The following MGST1 variants were observed in gnomAD, a reference collection of about 807,000 sequenced individuals.
MGST1 encodes the protein microsomal glutathione S-transferase 1, also known as glutathione S-transferase 12.
A neutral mutation model predicts 8.9 loss-of-function variants in MGST1; 5 were observed. The observed-to-expected ratio is 0.56, with a 90% CI of 0.29 to 1.19. The LOEUF is 1.19. Ranked by LOEUF, MGST1 falls within the 50% of genes most tolerant of loss-of-function variation. The pLI is 0.08. For synonymous variants in MGST1, 54 were observed against 67.8 expected, an observed-to-expected ratio of 0.80 and a Z score of 1.00; for missense variants, 182 against 187.4, an observed-to-expected ratio of 0.97 and a Z score of 0.17.
rs542425845 is a variant in MGST1, at chr12:16,363,532, G to A, written c.222-263G>A. ...AAATGAGTTCTATTAGATAGATGTC[G>A]TTTTGATATTCTAGGAACTACAAAA... On this transcript the variant is annotated intron_variant, in intron 3 of 3. Transcript: ENST00000396210. The surrounding 1 kb of genome is among the most constrained non-coding windows in gnomAD (Gnocchi z 4.6). 3.7e-4 allele frequency: 88 copies of A among 235,142 alleles called. 2 individuals are homozygous for A. The highest frequency in any genetic ancestry group is 1.4e-3 in the Middle Eastern group (1 of 738). 14.6% of individuals were successfully genotyped at this position (235,142 alleles called of 1,614,324 possible). A position where few individuals can be genotyped will look rare whatever the true frequency, so the allele number is the denominator to read the frequency against.
intron 4 of MGST1, among the ~76,000 whole-genome samples, chr12:16,535,705 C>T (rs1441581422): frequency 2.0e-5 from 3 of 152,102 alleles, no homozygotes; most frequent in Non-Finnish European, 4.4e-5. Context: ...TTAGCAATGG[C>T]TCTTAATATA....
chr12:16,556,276 C>G (rs1942186139), intron 4 of MGST1, among the ~76,000 whole-genome samples: 1 of 152,078 alleles, frequency 6.6e-6, no homozygotes, highest in African/African-American at 2.4e-5. Context: ...TAGAATCTTC[C>G]AATTCTGAAT....
At chr12:16,429,396 C>G (rs10772937) in intron 1 of MGST1, among the ~76,000 whole-genome samples, 385 of 151,876 alleles carry the variant, frequency 2.5e-3, no homozygotes, top group African/African-American at 8.6e-3. Flanking sequence ...TTTCCTTTTT[C>G]GTTTATCTTC....
rs1305545970 is a variant in MGST1 at position 16,410,440 on chromosome 12, T to C, written n.778+26836T>C. ...GCTGCAATAGCCCGTCTGTGTTTTC[T>C]AAATCTGCAAATATGATGCACTCAG... is the stretch of plus-strand genomic sequence containing the variant. On this transcript the variant is annotated intron_variant and non_coding_transcript_variant, in intron 1 of 1. Coordinates refer to the MGST1 transcript ENST00000359720. The surrounding 1 kb of genome is among the most constrained non-coding windows in gnomAD (Gnocchi z 4.4). 1.3e-5 allele frequency among the ~76,000 whole-genome samples: 2 copies of C among 152,018 alleles called. No homozygotes were observed. Among genetic ancestry groups the C allele is most frequent in the African/African-American group, 4.8e-5 (2 of 41,420 alleles).
intron 2 of MGST1, among the ~76,000 whole-genome samples, chr12:16,356,987 A>G (rs1939744840): frequency 6.6e-6 from 1 of 152,232 alleles, no homozygotes; most frequent in South Asian, 2.1e-4. Flanking sequence ...CCAGTGAACC[A>G]TACTAATAGT....
At chr12:16,424,775 C>T (rs1940870990) in intron 1 of MGST1, among the ~76,000 whole-genome samples, 1 of 152,092 alleles carries the variant, frequency 6.6e-6, no homozygotes, top group Admixed American at 6.5e-5. Context: ...TTGTCATTTC[C>T]CCACCATCAT....
At chr12:16,514,494 C>A in intron 4 of MGST1, 1 of 253,382 alleles carries the variant, frequency 3.9e-6, no homozygotes. Flanking sequence ...CTACTGGCCA[C>A]ACATCACTGC....
chr12:16,479,704 T>C (rs1941352223), intron 4 of MGST1, among the ~76,000 whole-genome samples: 1 of 151,972 alleles, frequency 6.6e-6, no homozygotes, highest in African/African-American at 2.4e-5. Flanking sequence ...TGATTAATTT[T>C]TAAAATTTTT....
intron 4 of MGST1, among the ~76,000 whole-genome samples, chr12:16,496,901 C>G (rs1194684680): frequency 6.6e-6 from 1 of 151,982 alleles, no homozygotes; most frequent in Non-Finnish European, 1.5e-5. Flanking sequence ...GAGACACAAA[C>G]AAGAAGTCCT....
downstream of MGST1, among the ~76,000 whole-genome samples, chr12:16,592,363 A>G (rs1299749436): frequency 2.0e-5 from 3 of 152,046 alleles, no homozygotes; most frequent in Non-Finnish European, 4.4e-5. Context: ...CACAGAAAAT[A>G]CTGGCTTATA....
At chr12:16,398,429 C>G (rs932842101) in intron 1 of MGST1, among the ~76,000 whole-genome samples, 2 of 152,172 alleles carry the variant, frequency 1.3e-5, no homozygotes, top group African/African-American at 2.4e-5. Flanking sequence ...TCTCTTTACT[C>G]CTCAGGGTAT....
intron 1 of MGST1, among the ~76,000 whole-genome samples, chr12:16,388,159 A>T (rs1289133381): frequency 6.6e-6 from 1 of 151,716 alleles, no homozygotes; most frequent in Non-Finnish European, 1.5e-5. Context: ...GATGACAAAA[A>T]CTGCAATTAC....
At chr12:16,514,368 C>A in intron 4 of MGST1, 1 of 295,890 alleles carries the variant, frequency 3.4e-6, no homozygotes. Context: ...TTCTACCATT[C>A]TGAATGCTCC....
At position 16,584,020 on chromosome 12, in the gene MGST1, T is replaced by G. The variant is rs967988086; in HGVS notation, n.483-5508T>G. On this transcript the variant is annotated intron_variant and non_coding_transcript_variant, in intron 4 of 4. Transcript: ENST00000538857. The surrounding 1 kb of genome is among the most constrained non-coding windows in gnomAD (Gnocchi z 5.2). ...ATACTTTTCCATAAGGAAAAGACAC[T>G]GTATATAATTCTGGGATGGCAGGCT... Among the ~76,000 whole-genome samples, 3 of 152,178 alleles carry G rather than the reference T, an allele frequency of 2.0e-5. No homozygotes were observed. The East Asian group carries it at 5.8e-4, about 29-fold the overall frequency.
rs776201198 is a variant in MGST1, at chr12:16,362,260, G to A, written c.222-1535G>A. On this transcript the variant is annotated intron_variant, in intron 3 of 3. Coordinates refer to ENST00000396210, the MANE Select transcript of MGST1 (RefSeq NM_020300.5). This position sits in a 1 kb window ranked among gnomAD's most constrained non-coding sequence, Gnocchi z 4.4. ...TCTCATTCTCAGTAGTACTTGTATTGCTCCATGAAAGAGAGGGCACAGGAA... is the reference window on the plus strand; with the variant it reads ...TCTCATTCTCAGTAGTACTTGTATTACTCCATGAAAGAGAGGGCACAGGAA... Among the ~76,000 whole-genome samples the A allele has an allele frequency of 6.6e-6, 1 of 152,208 alleles. No homozygotes were observed. Among genetic ancestry groups the A allele is most frequent in the East Asian group, 1.9e-4 (1 of 5,160 alleles).
chr12:16,534,244 C>T (rs1277273034), intron 4 of MGST1, among the ~76,000 whole-genome samples: 1 of 152,192 alleles, frequency 6.6e-6, no homozygotes, highest in Non-Finnish European at 1.5e-5. Context: ...ATAAGGTAAT[C>T]TGGAGGAAAG....
intron 4 of MGST1, among the ~76,000 whole-genome samples, chr12:16,486,716 T>C (rs887213120): frequency 3.9e-5 from 6 of 152,194 alleles, no homozygotes; most frequent in Admixed American, 6.5e-5. Flanking sequence ...TAGTGCTTAA[T>C]ACGATCAGTC....
intron 1 of MGST1, chr12:16,353,608 A>T (rs1303043382): frequency 6.6e-6 from 1 of 151,828 alleles, no homozygotes; most frequent in East Asian, 1.9e-4. Flanking sequence ...CTTATAGTTA[A>T]TCTCAGTGCT....
chr12:16,495,335 G>A (rs1591744792), intron 4 of MGST1, among the ~76,000 whole-genome samples: 1 of 152,152 alleles, frequency 6.6e-6, no homozygotes, highest in South Asian at 2.1e-4. Context: ...CAGGTGAAGA[G>A]GGTTGAAAAA....
Sources: allele counts gnomAD v4.1 joint callset (sites outside exome capture counted in the v4.1 genomes callset), GRCh38; gene constraint gnomAD v4.1.1; non-coding constraint Gnocchi (gnomAD v3.1); transcripts MANE v1.5; gene names NCBI Gene and HGNC (gene_info 2026-07-23, HGNC 2026-07-21).